PM20D2: variants seen among roughly 807,000 people sequenced by gnomAD.
PM20D2 encodes peptidase M20 domain containing 2.
PM20D2 carries 33 observed loss-of-function variants against 42.9 expected under a neutral mutation model. The ratio of observed to expected loss-of-function variants is 0.77; its 90% CI spans 0.58 to 1.03. The LOEUF (loss-of-function observed/expected upper bound fraction) is 1.03. Among genes scored for constraint, PM20D2 ranks in the 50% least tolerant of loss-of-function variants. PM20D2 has a pLI of 0.00. For synonymous variants in PM20D2, 250 were observed against 228.2 expected (o/e 1.10, Z -0.86); for missense variants, 548 against 557.0 (o/e 0.98, Z 0.16).
At chr6:89,151,751 A>G (rs947074071) in intron 2 of PM20D2, among the ~76,000 whole-genome samples, 1 of 152,152 alleles carries the variant, frequency 6.6e-6, no homozygotes, top group African/African-American at 2.4e-5. Context: ...ATAATTCCAT[A>G]TAATCCTTCT....
At chr6:89,137,938 T>C in the PM20D2 span, among the ~76,000 whole-genome samples, 1 of 152,206 alleles carries the variant, frequency 6.6e-6, no homozygotes. Flanking sequence ...TTTAGGCCTT[T>C]TATTCACATT....
rs1441348559 is a variant in PM20D2 at position 89,163,708 on chromosome 6, C to T, written c.*1445C>T. 2 of 151,828 alleles carry T rather than the reference C, an allele frequency of 1.3e-5. No individual in the cohort carries two copies. The highest frequency in any genetic ancestry group is 2.9e-5 in the Non-Finnish European group (2 of 68,034). The allele number at this position is 151,828 out of a possible 1,614,324, so 9.4% of individuals were successfully genotyped here. On this transcript the variant is annotated 3_prime_UTR_variant, in exon 7 of 7. Transcript: ENST00000275072. ...TTAAAATTATATGATTCTTAAAATA[C>T]TGAATTAGTTTCTAAACTAAACTAG... is the stretch of plus-strand genomic sequence containing the variant.
chr6:89,101,450 G>A, the PM20D2 span, among the ~76,000 whole-genome samples: 8 of 152,028 alleles, frequency 5.3e-5, no homozygotes, highest in East Asian at 5.8e-4. Flanking sequence ...GGCCGGGTGC[G>A]GTGGCTCATG....
upstream of PM20D2, among the ~76,000 whole-genome samples, chr6:89,143,059 T>C (rs962184037): frequency 1.6e-4 from 24 of 152,224 alleles, no homozygotes; most frequent in Admixed American, 6.5e-5. Flanking sequence ...ATTTTCTTCA[T>C]TTTATTTTTC....
At chr6:89,136,785 G>T in the PM20D2 span, among the ~76,000 whole-genome samples, 4 of 150,336 alleles carry the variant, frequency 2.7e-5, no homozygotes, top group Admixed American at 6.6e-5. Flanking sequence ...ATAAATTTCT[G>T]TTTTGATGAA....
the PM20D2 span, chr6:89,117,874 G>A: frequency 1.9e-6 from 3 of 1,562,724 alleles, no homozygotes; most frequent in African/African-American, 1.4e-5. Flanking sequence ...GGGGGGCCTC[G>A]TGTAGCGAGA....
chr6:89,136,787 T>C, the PM20D2 span, among the ~76,000 whole-genome samples: 612 of 151,366 alleles, frequency 4.0e-3, 56 homozygotes, highest in African/African-American at 0.014. Context: ...AAATTTCTGT[T>C]TTGATGAACT....
chr6:89,139,410 T>C, the PM20D2 span, among the ~76,000 whole-genome samples: 1 of 152,154 alleles, frequency 6.6e-6, no homozygotes, highest in Non-Finnish European at 1.5e-5. Flanking sequence ...TAAAGTCTCA[T>C]GTTGGCCAGG....
chr6:89,150,336 C>G (rs1048851392), intron 2 of PM20D2, among the ~76,000 whole-genome samples: 3 of 152,080 alleles, frequency 2.0e-5, no homozygotes, highest in African/African-American at 7.2e-5. Flanking sequence ...TAGTCCATCT[C>G]TAGAAAACAC....
At chr6:89,107,991 C>T in the PM20D2 span, among the ~76,000 whole-genome samples, 2 of 152,234 alleles carry the variant, frequency 1.3e-5, no homozygotes, top group Admixed American at 6.5e-5. Flanking sequence ...TTATGTTAAT[C>T]TTGTTTTCAG....
chr6:89,142,789 C>T (rs903382569), upstream of PM20D2, among the ~76,000 whole-genome samples: 1 of 152,198 alleles, frequency 6.6e-6, no homozygotes, highest in Non-Finnish European at 1.5e-5. Flanking sequence ...TCCCGAATAG[C>T]TGGGACTACA....
the PM20D2 span, chr6:89,098,853 T>C: frequency 5.6e-6 from 9 of 1,613,872 alleles, no homozygotes; most frequent in South Asian, 1.1e-5. Flanking sequence ...AAATTCCTTC[T>C]TGGAGTTCTT....
chr6:89,098,598 G>A, the PM20D2 span: 8 of 1,611,168 alleles, frequency 5.0e-6, no homozygotes, highest in East Asian at 8.9e-5. Flanking sequence ...TTTTTATGAC[G>A]ATAACTTCGA....
At chr6:89,106,658 T>C in the PM20D2 span, 423 of 182,140 alleles carry the variant, frequency 2.3e-3, 4 homozygotes, top group African/African-American at 9.2e-3. Context: ...AGATACACAA[T>C]ATAAAACGAG....
the PM20D2 span, among the ~76,000 whole-genome samples, chr6:89,103,991 C>CTTTTTTT: frequency 1.2e-4 from 10 of 81,964 alleles, 1 homozygote; most frequent in Middle Eastern, 0.01. Flanking sequence ...TATTATATTT[C>CTTTTTTT]TTTTTTTTTT....
chr6:89,133,784 A>G, the PM20D2 span, among the ~76,000 whole-genome samples: 9 of 151,412 alleles, frequency 5.9e-5, no homozygotes, highest in Admixed American at 5.9e-4. Context: ...ACCTTGAGGA[A>G]GGAAGCCACA....
the PM20D2 span, chr6:89,107,168 T>A: frequency 1.2e-6 from 2 of 1,613,952 alleles, no homozygotes; most frequent in Non-Finnish European, 1.7e-6. Flanking sequence ...CATAAGCAAA[T>A]CCTCTTGGGC....
the PM20D2 span, chr6:89,105,063 T>G: frequency 7.3e-6 from 11 of 1,504,014 alleles, no homozygotes; most frequent in South Asian, 1.4e-4. Flanking sequence ...CAAAAAAATA[T>G]ATATCTATTT....
chr6:89,123,618 A>G, the PM20D2 span, among the ~76,000 whole-genome samples: 1 of 149,738 alleles, frequency 6.7e-6, no homozygotes, highest in East Asian at 2.0e-4. Context: ...GCTACTCAGG[A>G]GGCTGGAGCA....
Sources: gnomAD v4.1 joint callset for allele counts (sites outside exome capture counted in the v4.1 genomes callset) on GRCh38, gnomAD v4.1.1 for gene constraint, MANE v1.5 for transcripts, NCBI Gene and HGNC (gene_info 2026-07-23, HGNC 2026-07-21) for gene names.